The following ANO2 variants were observed in gnomAD, a reference collection of about 807,000 sequenced individuals.
ANO2 encodes anoctamin-2.
In ANO2, 101 loss-of-function variants were observed where a neutral mutation model predicts 124.2. That is an observed-to-expected ratio of 0.81 (90% CI 0.69 to 0.96). The LOEUF (loss-of-function observed/expected upper bound fraction) is 0.96. Among genes scored for constraint, ANO2 ranks in the 40% least tolerant of loss-of-function variants. The pLI, the probability that ANO2 is intolerant of heterozygous loss-of-function variation, is 0.00. For synonymous variants in ANO2, 486 were observed against 482.5 expected, an observed-to-expected ratio of 1.01 and a Z score of -0.09; for missense variants, 1,293 against 1,274.5, an observed-to-expected ratio of 1.01 and a Z score of -0.22.
chr12:5,851,502 T>C (rs905047450), intron 4 of ANO2, among the ~76,000 whole-genome samples: 4 of 151,910 alleles, frequency 2.6e-5, no homozygotes, highest in Non-Finnish European at 5.9e-5. Flanking sequence ...CTGGCCAACA[T>C]GGAGAAACCC....
At chr12:5,753,042 T>G (rs1201629226) in intron 10 of ANO2, among the ~76,000 whole-genome samples, 1 of 152,188 alleles carries the variant, frequency 6.6e-6, no homozygotes, top group Non-Finnish European at 1.5e-5. Context: ...CCAAAACTTA[T>G]TCTGAGACAG....
chr12:5,718,658 G>A (rs927307017), intron 14 of ANO2, among the ~76,000 whole-genome samples: 5 of 152,210 alleles, frequency 3.3e-5, no homozygotes, highest in African/African-American at 1.2e-4. Context: ...AAGCAGAGTG[G>A]ATCTCCGAAG....
At chr12:5,893,941 A>C (rs1939594285) in intron 3 of ANO2, among the ~76,000 whole-genome samples, 1 of 152,208 alleles carries the variant, frequency 6.6e-6, no homozygotes, top group Non-Finnish European at 1.5e-5. Context: ...ATAGTGCTGC[A>C]ATAAACATAC....
chr12:5,876,488 G>T (rs1384451606), intron 3 of ANO2, among the ~76,000 whole-genome samples: 2 of 152,098 alleles, frequency 1.3e-5, no homozygotes, highest in Admixed American at 6.5e-5. Flanking sequence ...GGGTATAAAC[G>T]CAAAGGATTA....
intron 3 of ANO2, among the ~76,000 whole-genome samples, chr12:5,885,099 G>A (rs1938793427): frequency 6.6e-6 from 1 of 152,188 alleles, no homozygotes; most frequent in Admixed American, 6.5e-5. Context: ...TCCTTTGGTG[G>A]AGTTGACCTC....
At chr12:5,933,641 C>A (rs1210991625) in intron 1 of ANO2, among the ~76,000 whole-genome samples, 1 of 152,224 alleles carries the variant, frequency 6.6e-6, no homozygotes. Context: ...CTTCCACTGT[C>A]TTGAGGCTTA....
At chr12:5,916,973 A>G (rs778176169) in intron 3 of ANO2, among the ~76,000 whole-genome samples, 6 of 152,190 alleles carry the variant, frequency 3.9e-5, no homozygotes, top group Non-Finnish European at 7.3e-5. Flanking sequence ...GTAGGCCACA[A>G]TGAGAGGTGG....
intron 20 of ANO2, among the ~76,000 whole-genome samples, chr12:5,589,952 G>T (rs1018975606): frequency 6.6e-6 from 1 of 152,096 alleles, no homozygotes; most frequent in Non-Finnish European, 1.5e-5. Context: ...ACACCGGAGG[G>T]ATATGACCAA....
intron 10 of ANO2, among the ~76,000 whole-genome samples, chr12:5,776,113 C>T (rs761083166): frequency 2.6e-5 from 4 of 152,172 alleles, no homozygotes; most frequent in Admixed American, 6.5e-5. Flanking sequence ...GCACTGTTGG[C>T]GAACATATGT....
At chr12:5,722,898 G>A (rs186065480) in intron 14 of ANO2, among the ~76,000 whole-genome samples, 34 of 152,272 alleles carry the variant, frequency 2.2e-4, no homozygotes, top group East Asian at 1.7e-3. Context: ...CCAGGGAGGC[G>A]TTTGTCAGAA....
At chr12:5,926,365 TC>T (rs1235957562) in intron 1 of ANO2, among the ~76,000 whole-genome samples, 2 of 151,896 alleles carry the variant, frequency 1.3e-5, no homozygotes, top group East Asian at 3.9e-4. Flanking sequence ...CAGCCAGGGG[TC>T]CTTACAAACA....
At chr12:5,674,643 G>A (rs1203305157) in intron 14 of ANO2, among the ~76,000 whole-genome samples, 3 of 152,158 alleles carry the variant, frequency 2.0e-5, no homozygotes, top group African/African-American at 7.2e-5. Flanking sequence ...GAGCTCCTCA[G>A]GTGTCAGTTC....
intron 22 of ANO2, 132 bp from the exon 23 acceptor site, chr12:5,576,147 G>A: frequency 1.1e-6 from 1 of 878,572 alleles, no homozygotes; most frequent in East Asian, 2.8e-5. Flanking sequence ...AGGTCCCTGA[G>A]CTCATGCAGC....
rs1045330023 is a variant in ANO2, at chr12:5,636,984, T to G, written c.1621-1637A>C. ...TGGCGTTCTCTGGGTAGAGGAAGGCTGTGTGTGTTTGGGTGTGTGTGGGTG... is the reference window on the plus strand; with the variant it reads ...TGGCGTTCTCTGGGTAGAGGAAGGCGGTGTGTGTTTGGGTGTGTGTGGGTG... On this transcript the variant is annotated intron_variant, in intron 15 of 24. Transcript: ENST00000682330. This position sits in a 1 kb window ranked among gnomAD's most constrained non-coding sequence, Gnocchi z 4.6. Among the ~76,000 whole-genome samples the G allele has an allele frequency of 5.3e-5, 8 of 151,180 alleles. No individual in the cohort carries two copies. The highest frequency in any genetic ancestry group is 1.9e-4 in the African/African-American group (8 of 41,056).
chr12:5,790,381 A>G (rs1296294415), intron 10 of ANO2, among the ~76,000 whole-genome samples: 1 of 151,902 alleles, frequency 6.6e-6, no homozygotes, highest in African/African-American at 2.4e-5. Flanking sequence ...AATTTCCCCC[A>G]CCATCATGTC....
At chr12:5,871,220 C>T (rs1242375746) in intron 3 of ANO2, among the ~76,000 whole-genome samples, 1 of 151,486 alleles carries the variant, frequency 6.6e-6, no homozygotes, top group East Asian at 1.9e-4. Flanking sequence ...CAAAAGTCAT[C>T]TACATAGGTT....
At chr12:5,640,496 AT>A (rs1252262432) in intron 15 of ANO2, among the ~76,000 whole-genome samples, 1 of 152,204 alleles carries the variant, frequency 6.6e-6, no homozygotes, top group African/African-American at 2.4e-5. Context: ...AAGGGCTAAT[AT>A]CCTGAATCTA....
chr12:5,668,395 GT>G (rs539092061), intron 14 of ANO2, among the ~76,000 whole-genome samples: 27 of 149,176 alleles, frequency 1.8e-4, no homozygotes, highest in South Asian at 6.4e-4. Flanking sequence ...ACTTTTTAAT[GT>G]TTTTTTTTTC....
At position 5,923,235 on chromosome 12, in the gene ANO2, T is replaced by TAC. The variant is rs1316767124; in HGVS notation, c.23-433_23-432dup. Among the ~76,000 whole-genome samples, 7 of 92,006 alleles carry TAC rather than the reference T, an allele frequency of 7.6e-5. 2 individuals are homozygous for TAC. The highest frequency in any genetic ancestry group is 2.6e-4 in the African/African-American group (7 of 26,582). 60.4% of individuals were successfully genotyped at this position (92,006 alleles called of 152,430 possible). On this transcript the variant is annotated intron_variant, in intron 1 of 24. Transcript: ENST00000682330. ...CCACATACACACACACATGCACACA[T>TAC]ACACACACGCATACACACACATACA...
Sources: allele counts gnomAD v4.1 joint callset (sites outside exome capture counted in the v4.1 genomes callset), GRCh38; gene constraint gnomAD v4.1.1; non-coding constraint Gnocchi (gnomAD v3.1); transcripts MANE v1.5; gene names NCBI Gene and HGNC (gene_info 2026-07-23, HGNC 2026-07-21).